Variants in TOP1MT observed in about 807,000 individuals in gnomAD.
The protein encoded by TOP1MT is DNA topoisomerase I mitochondrial.
A neutral mutation model predicts 73.9 loss-of-function variants in TOP1MT; 80 were observed. The observed-to-expected ratio is 1.08, with a 90% CI of 0.90 to 1.30. TOP1MT has a LOEUF of 1.30. TOP1MT is among the 50% of genes most tolerant of loss of function. The pLI, the probability that TOP1MT is intolerant of heterozygous loss-of-function variation, is 0.00. For missense variants in TOP1MT, 815 were observed against 808.0 expected, an observed-to-expected ratio of 1.01 and a Z score of -0.10; for synonymous variants, 338 against 326.4, an observed-to-expected ratio of 1.04 and a Z score of -0.38.
chr8:143,345,951 G>T (rs528864284), upstream of TOP1MT, among the ~76,000 whole-genome samples: 1 of 152,204 alleles, frequency 6.6e-6, no homozygotes, highest in Admixed American at 6.5e-5. Context: ...GGGAGATGCC[G>T]GGGGCAGGGG....
At chr8:143,322,363 CACACACA>C (rs1816462165) in intron 7 of TOP1MT, among the ~76,000 whole-genome samples, 1 of 93,216 alleles carries the variant, frequency 1.1e-5, no homozygotes, top group Non-Finnish European at 2.3e-5. Flanking sequence ...ACGCACGCCA[CACACACA>C]GGCACGCCAC....
At chr8:143,357,275 C>T, upstream of TOP1MT, among the ~76,000 whole-genome samples, 1 of 151,090 alleles carries the variant, frequency 6.6e-6, no homozygotes, top group South Asian at 2.1e-4. Context: ...TTAGCCAGCA[C>T]AATAGTGCAC....
chr8:143,358,738 G>C (rs1328295269), upstream of TOP1MT: 1 of 152,138 alleles, frequency 6.6e-6, no homozygotes, highest in Non-Finnish European at 1.5e-5. Context: ...GGTGAGCCTG[G>C]ACCCAGGCAG....
chr8:143,335,493 T>TG (rs1402452270), upstream of TOP1MT, among the ~76,000 whole-genome samples: 2 of 152,220 alleles, frequency 1.3e-5, no homozygotes, highest in African/African-American at 4.8e-5. Context: ...CAGGCACAGC[T>TG]GGAGCCTCCT....
At chr8:143,354,473 G>A (rs1377758224) in intron 1 of TOP1MT, among the ~76,000 whole-genome samples, 1 of 151,560 alleles carries the variant, frequency 6.6e-6, no homozygotes, top group Non-Finnish European at 1.5e-5. Context: ...AGCACTATGG[G>A]AGGCTGAGGC....
chr8:143,322,847 G>A lies in TOP1MT; in HGVS notation c.960+1152C>T, dbSNP rs199659709. On this transcript the variant is annotated intron_variant, in intron 7 of 13. Coordinates refer to ENST00000329245, the MANE Select transcript of TOP1MT (RefSeq NM_052963.3). ...CACGCCACACACGCACACCACACAC[G>A]CACGCAACACACACGCACGCCACAC... Among the ~76,000 whole-genome samples, 5 of 42,154 alleles carry A rather than the reference G, an allele frequency of 1.2e-4. 1 individual carries two copies. The highest frequency in any genetic ancestry group is 1.8e-4 in the Non-Finnish European group (4 of 21,900). 27.7% of individuals were successfully genotyped at this position (42,154 alleles called of 152,430 possible).
upstream of TOP1MT, among the ~76,000 whole-genome samples, chr8:143,338,836 C>G (rs1473876323): frequency 1.3e-5 from 2 of 152,196 alleles, no homozygotes; most frequent in Non-Finnish European, 2.9e-5. Context: ...GAAGGGGTTT[C>G]TATGAACTGT....
chr8:143,327,008 A>T (rs572674955), intron 3 of TOP1MT, among the ~76,000 whole-genome samples: 93 of 152,294 alleles, frequency 6.1e-4, no homozygotes, highest in African/African-American at 2.1e-3. Context: ...GGCCCAGCTA[A>T]TTCCACCCAG....
upstream of TOP1MT, among the ~76,000 whole-genome samples, chr8:143,339,819 A>G (rs2450780): frequency 0.11 from 15,775 of 144,884 alleles, 3,413 homozygotes; most frequent in African/African-American, 0.4. Context: ...CCCTGCCAGC[A>G]CTGGTCTACA....
chr8:143,326,449 G>C, intron 3 of TOP1MT, 105 bp from the exon 4 acceptor site: 2 of 1,487,876 alleles, frequency 1.3e-6, no homozygotes, highest in Non-Finnish European at 1.8e-6. Flanking sequence ...CATGTCCGAC[G>C]GAGGCGTGTG....
intron 10 of TOP1MT, 29 bp downstream of exon 10, chr8:143,317,694 C>T (rs898476993): frequency 6.9e-6 from 11 of 1,597,124 alleles, no homozygotes; most frequent in African/African-American, 4.0e-5. Context: ...GCTCCCCCCG[C>T]GCTGAGTGTG....
At chr8:143,329,321 C>T (rs745377936) in intron 3 of TOP1MT, 29 bp downstream of exon 3, 6 of 1,579,242 alleles carry the variant, frequency 3.8e-6, no homozygotes, top group Non-Finnish European at 4.3e-6. Flanking sequence ...AGGTCCAGGA[C>T]AGCTGTGGCG....
intron 10 of TOP1MT, among the ~76,000 whole-genome samples, chr8:143,316,339 C>A (rs1296687603): frequency 6.6e-6 from 1 of 152,218 alleles, no homozygotes; most frequent in South Asian, 2.1e-4. Flanking sequence ...CAAGGCTTCA[C>A]GTGGGGCCAC....
intron 1 of TOP1MT, among the ~76,000 whole-genome samples, chr8:143,354,184 C>T (rs1303849278): frequency 1.3e-5 from 2 of 151,964 alleles, no homozygotes; most frequent in Non-Finnish European, 2.9e-5. Flanking sequence ...AACGGATCAA[C>T]GAATCCCAGA....
chr8:143,324,262 G>A (rs1047448439), intron 6 of TOP1MT, 120 bp from the exon 7 acceptor site: 8 of 1,443,280 alleles, frequency 5.5e-6, no homozygotes, highest in Admixed American at 1.9e-5. Context: ...CGTGGTCAGG[G>A]GCTGGGGCAG....
upstream of TOP1MT, among the ~76,000 whole-genome samples, chr8:143,347,054 G>T (rs1012410988): frequency 6.6e-6 from 1 of 151,408 alleles, no homozygotes; most frequent in Non-Finnish European, 1.5e-5. Flanking sequence ...GTGTGATCTT[G>T]GCTCACTGCA....
At chr8:143,329,819 A>T (rs547797820) in intron 2 of TOP1MT, among the ~76,000 whole-genome samples, 1 of 152,362 alleles carries the variant, frequency 6.6e-6, no homozygotes, top group African/African-American at 2.4e-5. Context: ...AAATTTCACA[A>T]GTAAAATAAA....
chr8:143,322,164 ACGCATGC>A, intron 7 of TOP1MT, among the ~76,000 whole-genome samples: 1 of 107,244 alleles, frequency 9.3e-6, no homozygotes. Context: ...CACGCCACAC[ACGCATGC>A]CACACGCACG....
At chr8:143,343,050 C>A in intron 2 of TOP1MT, 1 of 396,162 alleles carries the variant, frequency 2.5e-6, no homozygotes, top group Non-Finnish European at 5.1e-6. Flanking sequence ...CATGAGCCAC[C>A]ACGCCTGGCC....
Sources: allele counts gnomAD v4.1 joint callset (sites outside exome capture counted in the v4.1 genomes callset), GRCh38; gene constraint gnomAD v4.1.1; transcripts MANE v1.5; gene names NCBI Gene and HGNC (gene_info 2026-07-23, HGNC 2026-07-21).